B3GALT5: variants seen among roughly 807,000 people sequenced by gnomAD.
B3GALT5 encodes UDP-Gal:betaGlcNAc beta 1,3-galactosyltransferase, polypeptide 5.
For missense variants in B3GALT5, 328 were observed against 396.6 expected (o/e 0.83, Z 1.47); for synonymous variants, 156 against 158.6 (o/e 0.98, Z 0.12).
At position 39,647,124 on chromosome 21, in the gene B3GALT5, A is replaced by G. The variant is rs186019124; in HGVS notation, c.-161+502A>G. Among the ~76,000 whole-genome samples, 237 of 152,262 alleles carry G rather than the reference A, an allele frequency of 1.6e-3. 1 individual carries two copies. Among genetic ancestry groups the G allele is most frequent in the Non-Finnish European group, 2.3e-3 (155 of 68,014 alleles). ...TCAAAAAAGCAAAACAAAAAAAACC[A>G]AAAACTCCACACAGCTGAAAGGGAA... is the stretch of plus-strand genomic sequence containing the variant. On this transcript the variant is annotated intron_variant, in intron 2 of 3. Transcript: ENST00000684187.
intron 1 of B3GALT5, among the ~76,000 whole-genome samples, chr21:39,623,362 A>G (rs2079148061): frequency 6.7e-6 from 1 of 148,994 alleles, no homozygotes; most frequent in East Asian, 2.0e-4. Context: ...AGTTATTTTT[A>G]TGGGCATAAA....
rs927835445 is a variant in B3GALT5, at chr21:39,666,714, A to C, written c.*5222A>C. ...AAAAACAAAACAAAACCCTAAATGT[A>C]TTTAATTCCTGCTCCTCTTCAAACA... is the stretch of plus-strand genomic sequence containing the variant. On this transcript the variant is annotated 3_prime_UTR_variant, in exon 4 of 4. Coordinates refer to ENST00000684187, the MANE Select transcript of B3GALT5 (RefSeq NM_001356336.2). 6.6e-6 allele frequency: 1 copy of C among 152,344 alleles called. No homozygotes were observed. Among genetic ancestry groups the C allele is most frequent in the Non-Finnish European group, 1.5e-5 (1 of 68,118 alleles). 9.4% of individuals were successfully genotyped at this position (152,344 alleles called of 1,614,324 possible). A position where few individuals can be genotyped will look rare whatever the true frequency, so the allele number is the denominator to read the frequency against.
rs999964256 is a variant in B3GALT5 at position 39,668,793 on chromosome 21, G to C, written c.*7301G>C. The C allele has an allele frequency of 6.6e-6, 1 of 152,256 alleles. No homozygotes were observed. The highest frequency in any genetic ancestry group is 6.5e-5 in the Admixed American group (1 of 15,282). 9.4% of individuals were successfully genotyped at this position (152,256 alleles called of 1,614,324 possible). On this transcript the variant is annotated 3_prime_UTR_variant, in exon 4 of 4. Coordinates refer to ENST00000684187, the MANE Select transcript of B3GALT5 (RefSeq NM_001356336.2). ...CCTCGCCAAGTCCCTTGAGTGGCAA[G>C]TTACTTATCTTCTCATTGTCTCCGT... is the stretch of plus-strand genomic sequence containing the variant.
rs956600138 is a variant in B3GALT5, at chr21:39,667,279, C to T, written c.*5787C>T. 4.6e-5 allele frequency: 7 copies of T among 152,230 alleles called. No individual in the cohort carries two copies. Among genetic ancestry groups the T allele is most frequent in the African/African-American group, 1.7e-4 (7 of 41,468 alleles). The allele number at this position is 152,230 out of a possible 1,614,324, so 9.4% of individuals were successfully genotyped here. On this transcript the variant is annotated 3_prime_UTR_variant, in exon 4 of 4. Coordinates refer to ENST00000684187, the MANE Select transcript of B3GALT5 (RefSeq NM_001356336.2). The stretch of plus-strand genomic sequence containing the variant: ...AACTCCCGCCGGGCACCGGGTGCTG[C>T]ACCGGTTATCCCAACAGGCTGGCAC...
chr21:39,631,811 T>A (rs904151532), intron 1 of B3GALT5, among the ~76,000 whole-genome samples: 3 of 152,188 alleles, frequency 2.0e-5, no homozygotes, highest in Non-Finnish European at 2.9e-5. Context: ...GGAATAGTGC[T>A]GGTACCAAGA....
At chr21:39,632,166 C>G (rs183107168) in intron 1 of B3GALT5, among the ~76,000 whole-genome samples, 2 of 152,196 alleles carry the variant, frequency 1.3e-5, no homozygotes, top group Non-Finnish European at 2.9e-5. Context: ...CCATTCTGTT[C>G]TATTCTACTA....
intron 1 of B3GALT5, among the ~76,000 whole-genome samples, chr21:39,628,194 T>A (rs1366530660): frequency 6.6e-6 from 1 of 152,140 alleles, no homozygotes; most frequent in Non-Finnish European, 1.5e-5. Context: ...GTAAGTAAAT[T>A]AGGGGAAATG....
chr21:39,618,173 T>C (rs948233026), intron 1 of B3GALT5, among the ~76,000 whole-genome samples: 10 of 152,072 alleles, frequency 6.6e-5, no homozygotes, highest in African/African-American at 2.2e-4. Context: ...AATTATATTG[T>C]AGGATTGTAC....
At chr21:39,629,342 G>A (rs1297582339) in intron 1 of B3GALT5, among the ~76,000 whole-genome samples, 1 of 152,134 alleles carries the variant, frequency 6.6e-6, no homozygotes, top group Non-Finnish European at 1.5e-5. Flanking sequence ...TTCTATACGT[G>A]CCATTTCACA....
At chr21:39,625,065 A>G (rs1257630841) in intron 1 of B3GALT5, among the ~76,000 whole-genome samples, 2 of 152,236 alleles carry the variant, frequency 1.3e-5, no homozygotes, top group Non-Finnish European at 2.9e-5. Flanking sequence ...ACTTATGTCC[A>G]ATATTACACA....
At chr21:39,656,130 T>C (rs1199005721) in intron 2 of B3GALT5, among the ~76,000 whole-genome samples, 3 of 152,176 alleles carry the variant, frequency 2.0e-5, no homozygotes, top group African/African-American at 7.2e-5. Context: ...ATGGAACCTT[T>C]CAACCTGGGT....
intron 1 of B3GALT5, among the ~76,000 whole-genome samples, chr21:39,623,273 T>C (rs1397273375): frequency 7.3e-6 from 1 of 137,870 alleles, no homozygotes; most frequent in Non-Finnish European, 1.6e-5. Context: ...CTTCCTTCCT[T>C]CCTTCCTTCC....
intron 2 of B3GALT5, among the ~76,000 whole-genome samples, chr21:39,659,083 A>G (rs892047514): frequency 5.9e-5 from 9 of 152,102 alleles, no homozygotes; most frequent in Non-Finnish European, 8.8e-5. Context: ...TCTACAAAAA[A>G]TACAAAGTTA....
At chr21:39,640,295 G>T (rs566846061) in intron 1 of B3GALT5, among the ~76,000 whole-genome samples, 4 of 152,236 alleles carry the variant, frequency 2.6e-5, no homozygotes, top group African/African-American at 9.6e-5. Flanking sequence ...GATAAGCAGG[G>T]TCCCACCAGC....
intron 1 of B3GALT5, among the ~76,000 whole-genome samples, chr21:39,628,839 C>G (rs2079177289): frequency 6.6e-6 from 1 of 152,166 alleles, no homozygotes; most frequent in South Asian, 2.1e-4. Context: ...TTCACAAGAT[C>G]TTTAAGAAGT....
In B3GALT5 at chr21:39,614,541, G is replaced by A. The variant is rs189618301; in HGVS notation, c.-392+1474G>A. Among the ~76,000 whole-genome samples, 203 of 152,266 alleles carry A rather than the reference G, an allele frequency of 1.3e-3. 1 individual carries two copies. The highest frequency in any genetic ancestry group is 2.3e-3 in the Non-Finnish European group (156 of 68,018). On this transcript the variant is annotated intron_variant, in intron 1 of 3. Coordinates refer to ENST00000684187, the MANE Select transcript of B3GALT5 (RefSeq NM_001356336.2). ...CTTCTTTTGTAGGATTTCTAAGTAG[G>A]TACTTTGAATAAACAAGGGCCACCT...
Position 39,661,571 on chromosome 21 carries a change from G to A in B3GALT5, c.*79G>A, listed in dbSNP as rs758786606. ...TTTGCTAGATTTTGGAAGAGGGGGC[G>A]GGACAGAGGATGCTGTTCTTCAGTG... On this transcript the variant is annotated 3_prime_UTR_variant, in exon 4 of 4. Transcript: ENST00000684187. The surrounding 1 kb of genome is among the most constrained non-coding windows in gnomAD (Gnocchi z 4.7). 5.4e-5 allele frequency: 71 copies of A among 1,325,744 alleles called. No individual in the cohort carries two copies. Among genetic ancestry groups the A allele is most frequent in the Non-Finnish European group, 6.7e-5 (67 of 996,430 alleles). 82.1% of individuals were successfully genotyped at this position (1,325,744 alleles called of 1,614,324 possible).
rs1364238024 is a variant in B3GALT5, at chr21:39,668,928, G to C, written c.*7436G>C. The C allele has an allele frequency of 6.6e-6, 1 of 152,296 alleles. No homozygotes were observed. Among genetic ancestry groups the C allele is most frequent in the African/African-American group, 2.4e-5 (1 of 41,468 alleles). 9.4% of individuals were successfully genotyped at this position (152,296 alleles called of 1,614,324 possible). ...CTCAACATCCCATGGTAGGTGCTCA[G>C]TAAATGCAGGTGCTTATGATTATAG... On this transcript the variant is annotated 3_prime_UTR_variant, in exon 4 of 4. Coordinates refer to ENST00000684187, the MANE Select transcript of B3GALT5 (RefSeq NM_001356336.2).
At chr21:39,615,805 A>G (rs1489257396) in intron 1 of B3GALT5, among the ~76,000 whole-genome samples, 1 of 152,246 alleles carries the variant, frequency 6.6e-6, no homozygotes, top group African/African-American at 2.4e-5. Context: ...CCAGGTATAT[A>G]CATGCTACTT....
Sources: allele counts gnomAD v4.1 joint callset (sites outside exome capture counted in the v4.1 genomes callset), GRCh38; gene constraint gnomAD v4.1.1; non-coding constraint Gnocchi (gnomAD v3.1); transcripts MANE v1.5; gene names NCBI Gene and HGNC (gene_info 2026-07-23, HGNC 2026-07-21).